SHMT1: variants seen among roughly 807,000 people sequenced by gnomAD.
The protein encoded by SHMT1 is serine hydroxymethyltransferase, cytosolic.
Under a neutral mutation model 49.0 loss-of-function variants are expected in SHMT1, and 45 were observed. The observed-to-expected ratio is 0.92, with a 90% confidence interval of 0.72 to 1.18. The LOEUF is 1.18. Ranked by LOEUF, SHMT1 falls within the 50% of genes most tolerant of loss-of-function variation. SHMT1 has a pLI of 0.00. For synonymous variants in SHMT1, 232 were observed against 246.6 expected, an observed-to-expected ratio of 0.94 and a Z score of 0.55; for missense variants, 541 against 612.4, an observed-to-expected ratio of 0.88 and a Z score of 1.23.
intron 8 of SHMT1, among the ~76,000 whole-genome samples, chr17:18,334,587 G>A (rs188316252): frequency 6.6e-6 from 1 of 152,320 alleles, no homozygotes; most frequent in Admixed American, 6.5e-5. Context: ...TAAGGTCAGA[G>A]CGCAGGTAGG....
rs767314187 is a variant in SHMT1 at position 18,340,723 on chromosome 17, G to T, written c.601+9C>A. ...GGTGAACAAGGTGACTTTCCGCCCC[G>T]CGCATCACCTGCGATGATCAGCTTC... On this transcript the variant is annotated intron_variant, in intron 6 of 11. Transcript: ENST00000316694. This position sits in a 1 kb window ranked among gnomAD's most constrained non-coding sequence, Gnocchi z 4.5. 2 of 1,609,190 alleles carry T rather than the reference G, an allele frequency of 1.2e-6. No individual in the cohort carries two copies. The highest frequency in any genetic ancestry group is 1.7e-6 in the Non-Finnish European group (2 of 1,177,784).
rs1367319171 is a variant in SHMT1 at position 18,347,556 on chromosome 17, G to A, written c.459C>T (p.Phe153=). ...CAGAGATTTTCTTCTTGTCTGTCAT[G>A]AACCCATGGGTCAGGTGGCCCCCAT... The part of the protein sequence containing the change: ...LPDGGHLTHG[F]MTDKKKISAT... The change falls in exon 5 of 12, where the codon TTC becomes TTT. Residue 153 remains phenylalanine (F), a synonymous_variant. Transcript: ENST00000316694. 1.2e-6 allele frequency: 2 copies of A among 1,614,186 alleles called. No homozygotes were observed. The highest frequency in any genetic ancestry group is 2.2e-5 in the South Asian group (2 of 91,086).
chr17:18,341,533 G>C lies in SHMT1; in HGVS notation c.520-720C>G, dbSNP rs186193987. On this transcript the variant is annotated intron_variant, in intron 5 of 11. Transcript: ENST00000316694. ...CGGGCGCCTGTAATCCCAGCTACTT[G>C]GGAGGCTGAGGCAGGAGAATGGCGT... is the stretch of plus-strand genomic sequence containing the variant. 148 of 152,624 alleles carry C rather than the reference G, an allele frequency of 9.7e-4. No individual in the cohort carries two copies. In the Middle Eastern group the frequency reaches 0.014, roughly 14 times the overall value. The allele number at this position is 152,624 out of a possible 1,614,324, so 9.5% of individuals were successfully genotyped here. A position where few individuals can be genotyped will look rare whatever the true frequency, so the allele number is the denominator to read the frequency against.
intron 11 of SHMT1, 56 bp downstream of exon 11, chr17:18,329,222 A>T: frequency 7.7e-7 from 1 of 1,300,780 alleles, no homozygotes; most frequent in Non-Finnish European, 1.1e-6. Flanking sequence ...ACTCATCACA[A>T]TCAGAAACTA....
chr17:18,347,925 T>C, intron 4 of SHMT1, among the ~76,000 whole-genome samples: 1 of 151,188 alleles, frequency 6.6e-6, no homozygotes, highest in East Asian at 1.9e-4. Context: ...TTTTTTTTTT[T>C]TTTTTTTTTG....
intron 1 of SHMT1, chr17:18,360,414 C>T (rs1986647416): frequency 6.6e-6 from 1 of 151,780 alleles, no homozygotes; most frequent in Non-Finnish European, 1.5e-5. Context: ...AAAAAATTAC[C>T]CGAGCCTGGT....
chr17:18,358,050 G>A (rs1422260963), intron 1 of SHMT1, among the ~76,000 whole-genome samples: 12 of 146,126 alleles, frequency 8.2e-5, no homozygotes, highest in Non-Finnish European at 1.8e-4. Flanking sequence ...TATTTTTTCA[G>A]TAGAGATGGG....
chr17:18,340,542 C>T lies in SHMT1; in HGVS notation c.601+190G>A. ...GAGAACAGTCTCACATCTTAATCTACATAGCACAAAAAGCAGCAAACACAC... is the reference window on the plus strand; with the variant it reads ...GAGAACAGTCTCACATCTTAATCTATATAGCACAAAAAGCAGCAAACACAC... On this transcript the variant is annotated intron_variant, in intron 6 of 11. Coordinates refer to ENST00000316694, the MANE Select transcript of SHMT1 (RefSeq NM_004169.5). The surrounding 1 kb of genome is among the most constrained non-coding windows in gnomAD (Gnocchi z 4.5). 4.3e-6 allele frequency: 3 copies of T among 701,918 alleles called. No individual in the cohort carries two copies. Among genetic ancestry groups the T allele is most frequent in the Non-Finnish European group, 7.7e-6 (3 of 390,132 alleles). 43.5% of individuals were successfully genotyped at this position (701,918 alleles called of 1,614,324 possible). A position where few individuals can be genotyped will look rare whatever the true frequency, so the allele number is the denominator to read the frequency against.
At chr17:18,350,228 G>A (rs1483035278) in intron 3 of SHMT1, among the ~76,000 whole-genome samples, 1 of 152,128 alleles carries the variant, frequency 6.6e-6, no homozygotes, top group Non-Finnish European at 1.5e-5. Flanking sequence ...CTACTCGGGA[G>A]GCTGAGGCAG....
intron 4 of SHMT1, 41 bp downstream of exon 4, chr17:18,348,284 C>T (rs775145425): frequency 3.8e-6 from 5 of 1,301,596 alleles, no homozygotes; most frequent in East Asian, 2.3e-5. Context: ...GGGGGATGCA[C>T]ATGAAGAGGC....
intron 3 of SHMT1, among the ~76,000 whole-genome samples, chr17:18,350,256 G>A (rs1022805802): frequency 4.6e-5 from 7 of 151,732 alleles, no homozygotes; most frequent in Non-Finnish European, 7.4e-5. Context: ...GCGTGAACCC[G>A]GGAGGTGGAG....
intron 3 of SHMT1, 158 bp from the exon 4 acceptor site, chr17:18,348,598 A>C: frequency 1.4e-6 from 1 of 737,190 alleles, no homozygotes; most frequent in South Asian, 1.4e-5. Context: ...AGCATGATCA[A>C]GTGTTCCACC....
chr17:18,342,263 T>C (rs190200247), intron 5 of SHMT1, among the ~76,000 whole-genome samples: 13 of 152,260 alleles, frequency 8.5e-5, no homozygotes, highest in Non-Finnish European at 1.9e-4. Context: ...CCGATGAACT[T>C]GGAGGACCTT....
chr17:18,346,192 G>C (rs1261411669), intron 5 of SHMT1, among the ~76,000 whole-genome samples: 3 of 152,014 alleles, frequency 2.0e-5, no homozygotes, highest in African/African-American at 4.8e-5. Flanking sequence ...ACCATGCAAT[G>C]CCAGCCAAGC....
chr17:18,352,136 C>A (rs116061074), intron 3 of SHMT1, among the ~76,000 whole-genome samples: 3,476 of 148,212 alleles, frequency 0.023, 132 homozygotes, highest in African/African-American at 0.079. Flanking sequence ...TGAGCCACTA[C>A]ACTCAGTCCC....
At chr17:18,339,879 C>G (rs1472468590) in intron 7 of SHMT1, among the ~76,000 whole-genome samples, 164 bp downstream of exon 7, 1 of 152,178 alleles carries the variant, frequency 6.6e-6, no homozygotes, top group African/African-American at 2.4e-5. Flanking sequence ...TTCTGTAAAG[C>G]CTGTCACTGC....
intron 7 of SHMT1, among the ~76,000 whole-genome samples, chr17:18,336,002 G>A (rs141919891): frequency 2.5e-4 from 38 of 152,346 alleles, no homozygotes; most frequent in African/African-American, 8.7e-4. Flanking sequence ...GGACAGGCTG[G>A]ACGCGGTGGC....
chr17:18,358,422 A>G (rs113042315), intron 1 of SHMT1, among the ~76,000 whole-genome samples: 16,454 of 150,802 alleles, frequency 0.11, 998 homozygotes, highest in South Asian at 0.18. Flanking sequence ...CCTGGGAGTC[A>G]GAGGTTGCAG....
chr17:18,330,388 G>A (rs1234886592), intron 10 of SHMT1, among the ~76,000 whole-genome samples, 167 bp downstream of exon 10: 1 of 151,276 alleles, frequency 6.6e-6, no homozygotes, highest in Non-Finnish European at 1.5e-5. Context: ...CGCCTGCCTC[G>A]GCCTCCCAAA....
Sources: gnomAD v4.1 joint callset for allele counts (sites outside exome capture counted in the v4.1 genomes callset) on GRCh38, gnomAD v4.1.1 for gene constraint, Gnocchi (gnomAD v3.1) non-coding constraint, MANE v1.5 for transcripts, NCBI Gene and HGNC (gene_info 2026-07-23, HGNC 2026-07-21) for gene names.